The following EML6 variants were observed in gnomAD, a reference collection of about 807,000 sequenced individuals.
EML6 encodes echinoderm microtubule-associated protein-like 6.
A neutral mutation model predicts 240.1 loss-of-function variants in EML6; 154 were observed. That is an observed-to-expected ratio of 0.64 (90% CI 0.56 to 0.73). The LOEUF (loss-of-function observed/expected upper bound fraction) is 0.73, where lower values mean the gene tolerates loss of function less well. Among genes scored for constraint, EML6 ranks in the 30% least tolerant of loss-of-function variants. The pLI, the probability that EML6 is intolerant of heterozygous loss-of-function variation, is 0.00. For synonymous variants in EML6, 1,148 were observed against 899.0 expected (o/e 1.28, Z -4.95); for missense variants, 2,964 against 2,474.6 (o/e 1.20, Z -4.20).
intron 17 of EML6, chr2:54,882,857 C>CGAAAAAAAAAAAA: frequency 6.3e-5 from 1 of 15,864 alleles, no homozygotes; most frequent in Non-Finnish European, 1.4e-4. Flanking sequence ...GACTCCGTCT[C>CGAAAAAAAAAAAA]AAAAAAAAAA....
intron 2 of EML6, among the ~76,000 whole-genome samples, chr2:54,789,024 T>C (rs171349): frequency 0.35 from 53,358 of 152,108 alleles, 9,919 homozygotes; most frequent in Middle Eastern, 0.41. Context: ...TTGCTATCTT[T>C]TTGCTTTTTA....
intron 2 of EML6, among the ~76,000 whole-genome samples, chr2:54,806,188 C>T (rs182668142): frequency 2.0e-5 from 3 of 152,110 alleles, no homozygotes; most frequent in African/African-American, 4.8e-5. Context: ...CTTAGGGAGG[C>T]ATCTTCAGAT....
intron 19 of EML6, among the ~76,000 whole-genome samples, chr2:54,894,263 C>G (rs1306286189): frequency 1.3e-5 from 2 of 150,222 alleles, no homozygotes; most frequent in Non-Finnish European, 3.0e-5. Flanking sequence ...GAAAGGAAAA[C>G]TAGTACAGCC....
intron 24 of EML6, among the ~76,000 whole-genome samples, chr2:54,907,942 AGATAAGATAGATAGATAGATAGAT>A (rs1178725868): frequency 1.8e-3 from 68 of 38,642 alleles, no homozygotes; most frequent in Admixed American, 2.4e-3. Context: ...ATAGATAGAT[AGATAAGATAGATAGATAGATAGAT>A]AGATAGATAG....
In EML6 at chr2:54,928,490, G is replaced by T. The variant is rs1267353794; in HGVS notation, c.3853G>T (p.Asp1285Tyr). Residue 1285 changes from aspartate to tyrosine, a missense_variant, in exon 27 of 42, where the codon GAC becomes TAC. Transcript: ENST00000356458. ...ESKLVDSEES[D>Y]TDVEEDGGYD... ...CAAGCTGGTGGACAGCGAGGAGTCAGACACCGACGTGGAAGAGGATGGAGG... is the reference window on the plus strand; with the variant it reads ...CAAGCTGGTGGACAGCGAGGAGTCATACACCGACGTGGAAGAGGATGGAGG... 7 of 1,546,874 alleles carry T rather than the reference G, an allele frequency of 4.5e-6. No individual in the cohort carries two copies. The highest frequency in any genetic ancestry group is 6.1e-6 in the Non-Finnish European group (7 of 1,143,906).
intron 2 of EML6, among the ~76,000 whole-genome samples, chr2:54,739,555 A>T (rs1422421003): frequency 1.3e-5 from 2 of 152,224 alleles, no homozygotes; most frequent in Non-Finnish European, 2.9e-5. Context: ...CCTGTGTGTC[A>T]TACCCTGTGT....
At chr2:54,866,617 T>C in intron 13 of EML6, 149 bp from the exon 14 acceptor site, 1 of 451,490 alleles carries the variant, frequency 2.2e-6, no homozygotes. Flanking sequence ...GTTTTATTCA[T>C]TAGGAAAAAG....
rs138062348 is a variant in EML6, at chr2:54,791,486, G to T, written c.198-21746G>T. Among the ~76,000 whole-genome samples, 390 of 152,272 alleles carry T rather than the reference G, an allele frequency of 2.6e-3. 1 individual carries two copies. The highest frequency in any genetic ancestry group is 4.2e-3 in the Non-Finnish European group (289 of 68,020). The stretch of plus-strand genomic sequence containing the variant: ...CTGTGATACAAGTTTATCCATCATT[G>T]TTGGAGTTCACCAGCAATGTAAACC... On this transcript the variant is annotated intron_variant, in intron 2 of 41. Transcript: ENST00000356458.
intron 28 of EML6, among the ~76,000 whole-genome samples, chr2:54,939,120 C>T (rs981774304): frequency 6.6e-6 from 1 of 152,238 alleles, no homozygotes; most frequent in Non-Finnish European, 1.5e-5. Flanking sequence ...CATTTTCATT[C>T]TAGCCCATGG....
At chr2:54,956,156 G>T (rs778365195) in intron 32 of EML6, among the ~76,000 whole-genome samples, 3 of 152,134 alleles carry the variant, frequency 2.0e-5, no homozygotes, top group Non-Finnish European at 4.4e-5. Flanking sequence ...AGGGATACAG[G>T]TGTCTCCACA....
At chr2:54,959,568 C>A (rs1466007550) in intron 34 of EML6, among the ~76,000 whole-genome samples, 1 of 152,062 alleles carries the variant, frequency 6.6e-6, no homozygotes, top group Non-Finnish European at 1.5e-5. Flanking sequence ...TCAAAACCAG[C>A]CTGGTCAACA....
intron 28 of EML6, 114 bp from the exon 29 acceptor site, chr2:54,948,768 C>A: frequency 1.3e-6 from 1 of 756,958 alleles, no homozygotes. Context: ...GTGGAGGGGC[C>A]TTTGAGGCGG....
intron 3 of EML6, among the ~76,000 whole-genome samples, chr2:54,815,332 T>A (rs1156325172): frequency 6.6e-6 from 1 of 152,176 alleles, no homozygotes; most frequent in Non-Finnish European, 1.5e-5. Flanking sequence ...GGCTATTTCT[T>A]CAGGTCCTCC....
chr2:54,787,316 AC>A (rs1225779734), intron 2 of EML6, among the ~76,000 whole-genome samples: 2 of 151,872 alleles, frequency 1.3e-5, no homozygotes, highest in Admixed American at 6.6e-5. Flanking sequence ...CTTTGTGTGA[AC>A]CCAGATGTCA....
intron 13 of EML6, 39 bp downstream of exon 13, chr2:54,863,928 A>G: frequency 9.1e-7 from 1 of 1,094,844 alleles, no homozygotes; most frequent in Non-Finnish European, 1.3e-6. Flanking sequence ...GTAACCCCAG[A>G]AGGGGATCTC....
At chr2:54,844,288 A>T (rs1253682756) in intron 8 of EML6, 40 bp downstream of exon 8, 15 of 1,503,458 alleles carry the variant, frequency 1.0e-5, no homozygotes, top group East Asian at 4.9e-5. Context: ...CTTCTTTGAG[A>T]TGGATTTATT....
intron 18 of EML6, among the ~76,000 whole-genome samples, chr2:54,891,689 G>A (rs1446341223): frequency 6.6e-6 from 1 of 152,178 alleles, no homozygotes. Flanking sequence ...AATTGAATCT[G>A]AATTCTTAGT....
intron 2 of EML6, among the ~76,000 whole-genome samples, chr2:54,768,167 CT>C (rs34531064): frequency 2.7e-4 from 40 of 146,756 alleles, no homozygotes; most frequent in African/African-American, 4.2e-4. Context: ...ATCAGAAAAA[CT>C]TTTTTTTTTT....
At chr2:54,817,951 G>T (rs1268812674) in intron 4 of EML6, among the ~76,000 whole-genome samples, 2 of 152,128 alleles carry the variant, frequency 1.3e-5, no homozygotes, top group African/African-American at 4.8e-5. Flanking sequence ...ACTGGAAGAG[G>T]CCTGGTACCC....
Sources: gnomAD v4.1 joint callset for allele counts (sites outside exome capture counted in the v4.1 genomes callset) on GRCh38, gnomAD v4.1.1 for gene constraint, MANE v1.5 for transcripts, NCBI Gene and HGNC (gene_info 2026-07-23, HGNC 2026-07-21) for gene names.